AHNAK: variants seen among roughly 807,000 people sequenced by gnomAD.
The protein encoded by AHNAK is AHNAK nucleoprotein, also known as neuroblast differentiation-associated protein AHNAK.
In AHNAK, 23 loss-of-function variants were observed where a neutral mutation model predicts 37.8. The observed-to-expected ratio is 0.61, with a 90% CI of 0.44 to 0.86. The LOEUF (loss-of-function observed/expected upper bound fraction) is 0.86, where lower values mean the gene tolerates loss of function less well. Ranked by LOEUF, AHNAK falls within the 40% of genes least tolerant of loss-of-function variation. The probability of loss-of-function intolerance (pLI) is 0.00; values close to 1 mark genes in which losing one functional copy is unlikely to be tolerated. For synonymous variants in AHNAK, 2,481 were observed against 2,636.3 expected (o/e 0.94, Z 1.80); for missense variants, 7,411 against 7,319.4 (o/e 1.01, Z -0.46).
At chr11:62,511,337 C>T (rs764947673), downstream of AHNAK, among the ~76,000 whole-genome samples, 3 of 152,108 alleles carry the variant, frequency 2.0e-5, no homozygotes, top group Non-Finnish European at 4.4e-5. Context: ...ACTGCAGCCT[C>T]TGTCTCCCAG....
In AHNAK at chr11:62,532,581, G is replaced by A; in HGVS notation, c.1836C>T (p.Val612=). ...EVDVRGPKVD[V]SAPDVEAHGP... Reference sequence around the variant, plus strand: ...CATGCGCTTCGACATCTGGGGCACTGACATCCACTTTGGGGCCTCTGACAT... The same window carrying A: ...CATGCGCTTCGACATCTGGGGCACTAACATCCACTTTGGGGCCTCTGACAT... The change falls in exon 5 of 5, where the codon GTC becomes GTT. Residue 612 remains valine (V), a synonymous_variant. Coordinates refer to ENST00000378024, the MANE Select transcript of AHNAK (RefSeq NM_001620.3). 1 of 1,614,194 alleles carries A rather than the reference G, an allele frequency of 6.2e-7. No homozygotes were observed. The highest frequency in any genetic ancestry group is 8.5e-7 in the Non-Finnish European group (1 of 1,180,038).
Position 62,546,649 on chromosome 11 carries a change from G to A in AHNAK, c.-100+11C>T, listed in dbSNP as rs1006748367. ...ACCCCGATGGCGCCACGGTGCGCCT[G>A]GCGCCCCTACCTGAGGGCTCAGCCC... On this transcript the variant is annotated intron_variant, in intron 1 of 4. Transcript: ENST00000378024. 1 of 152,262 alleles carries A rather than the reference G, an allele frequency of 6.6e-6. No homozygotes were observed. The highest frequency in any genetic ancestry group is 1.9e-4 in the East Asian group (1 of 5,190). The allele number at this position is 152,262 out of a possible 1,614,324, so 9.4% of individuals were successfully genotyped here.
intron 5 of AHNAK, among the ~76,000 whole-genome samples, chr11:62,481,926 G>A (rs989127814): frequency 2.0e-5 from 3 of 151,932 alleles, no homozygotes; most frequent in Admixed American, 6.6e-5. Context: ...GACCTTTTAC[G>A]ATCCATCTCC....
At position 62,516,638 on chromosome 11, in the gene AHNAK, T is replaced by C; in HGVS notation, c.*106A>G. The C allele has an allele frequency of 6.7e-7, 1 of 1,503,418 alleles. No homozygotes were observed. The highest frequency in any genetic ancestry group is 8.8e-7 in the Non-Finnish European group (1 of 1,136,034). 93.1% of individuals were successfully genotyped at this position (1,503,418 alleles called of 1,614,324 possible). A position where few individuals can be genotyped will look rare whatever the true frequency, so the allele number is the denominator to read the frequency against. On this transcript the variant is annotated 3_prime_UTR_variant, in exon 5 of 5. Transcript: ENST00000378024. ...GGGCCAGGCAAGGTCTTTGCATGAT[T>C]GCTGAGGCAGTCGGTGTGTTTCCCT... is the stretch of plus-strand genomic sequence containing the variant.
In AHNAK at chr11:62,529,389, G is replaced by A. The variant is rs1010185709; in HGVS notation, c.5028C>T (p.Pro1676=). ...KVKGDMDVSV[P]KVEGEMKVPD... ...GCACTTTCATTTCACCTTCTACCTT[G>A]GGCACAGACACATCCATATCCCCTT... The change falls in exon 5 of 5, where the codon CCC becomes CCT. Residue 1676 remains proline (P), a synonymous_variant. Coordinates refer to ENST00000378024, the MANE Select transcript of AHNAK (RefSeq NM_001620.3). 9.9e-6 allele frequency: 16 copies of A among 1,612,930 alleles called. No individual in the cohort carries two copies. Among genetic ancestry groups the A allele is most frequent in the Non-Finnish European group, 1.4e-5 (16 of 1,179,702 alleles).
Position 62,527,316 on chromosome 11 carries a change from G to A in AHNAK, c.7101C>T (p.Gly2367=). The A allele has an allele frequency of 1.2e-6, 2 of 1,613,718 alleles. No individual in the cohort carries two copies. The highest frequency in any genetic ancestry group is 1.7e-6 in the Non-Finnish European group (2 of 1,179,896). The change falls in exon 5 of 5, where the codon GGC becomes GGT. Residue 2367 remains glycine (G), a synonymous_variant. Coordinates refer to ENST00000378024, the MANE Select transcript of AHNAK (RefSeq NM_001620.3). The part of the protein sequence containing the change: ...MPEVAVEGPN[G]KWKTPKFKMP... Reference sequence around the variant, plus strand: ...TCTTGAACTTAGGAGTTTTCCACTTGCCATTTGGGCCTTCCACAGCTACTT... The same window carrying A: ...TCTTGAACTTAGGAGTTTTCCACTTACCATTTGGGCCTTCCACAGCTACTT...
chr11:62,437,198 C>A (rs902829517), intron 5 of AHNAK, among the ~76,000 whole-genome samples: 1 of 152,182 alleles, frequency 6.6e-6, no homozygotes, highest in African/African-American at 2.4e-5. Flanking sequence ...AGCATATAAT[C>A]TTTTCATCAT....
At chr11:62,452,100 C>A (rs1938551959) in intron 5 of AHNAK, among the ~76,000 whole-genome samples, 1 of 152,168 alleles carries the variant, frequency 6.6e-6, no homozygotes, top group South Asian at 2.1e-4. Context: ...GCGTGAGCCA[C>A]CGCACCCAGC....
At chr11:62,475,291 G>A (rs866574407) in intron 5 of AHNAK, among the ~76,000 whole-genome samples, 13 of 144,272 alleles carry the variant, frequency 9.0e-5, no homozygotes, top group African/African-American at 3.1e-4. Flanking sequence ...GCAATAGAGC[G>A]AGACTTTGTC....
At chr11:62,442,625 C>A (rs537332619) in intron 5 of AHNAK, among the ~76,000 whole-genome samples, 1 of 152,022 alleles carries the variant, frequency 6.6e-6, no homozygotes, top group African/African-American at 2.4e-5. Flanking sequence ...AATCCCAGCA[C>A]TTTGAGAGGC....
intron 1 of AHNAK, among the ~76,000 whole-genome samples, chr11:62,537,768 C>G (rs1047117516): frequency 3.9e-5 from 6 of 151,972 alleles, no homozygotes; most frequent in Admixed American, 3.9e-4. Flanking sequence ...CTGCAACCTC[C>G]CCCTCCCAGG....
intron 1 of AHNAK, among the ~76,000 whole-genome samples, chr11:62,543,990 A>G (rs2428548): frequency 0.31 from 46,923 of 151,998 alleles, 7,668 homozygotes; most frequent in Non-Finnish European, 0.37. Context: ...GTCTCCAGGC[A>G]GTTCCCAAGT....
chr11:62,531,388 C>T lies in AHNAK; in HGVS notation c.3029G>A (p.Ser1010Asn), dbSNP rs764572575. ...AAATTCTGGCCCCTCTCCTTTGAGG[C>T]TGGGCATGCTAAATTTGGGCATTTT... is the stretch of plus-strand genomic sequence containing the variant. ...KIKMPKFSMP[S>N]LKGEGPEFDV... The change falls in exon 5 of 5, where the codon AGC becomes AAC. Residue 1010 changes from serine (S) to asparagine (N), a missense_variant. Transcript: ENST00000378024. The T allele has an allele frequency of 6.2e-7, 1 of 1,614,190 alleles. No individual in the cohort carries two copies. The highest frequency in any genetic ancestry group is 8.5e-7 in the Non-Finnish European group (1 of 1,180,038).
chr11:62,524,895 C>T lies in AHNAK; in HGVS notation c.9522G>A (p.Leu3174=), dbSNP rs771383790. ...KGEGPEVDVN[L]PKADLDVSGP... ...CTGAGACGTCAAGGTCAGCCTTGGG[C>T]AGGTTCACGTCCACTTCTGGACCTT... is the stretch of plus-strand genomic sequence containing the variant. The change falls in exon 5 of 5, where the codon CTG becomes CTA. Residue 3174 remains leucine, a synonymous_variant. Coordinates refer to ENST00000378024, the MANE Select transcript of AHNAK (RefSeq NM_001620.3). The T allele has an allele frequency of 5.6e-6, 9 of 1,613,904 alleles. No individual in the cohort carries two copies. In the Middle Eastern group the frequency reaches 5.0e-4, roughly 89 times the overall value.
At chr11:62,473,469 G>A (rs1379336297) in intron 5 of AHNAK, among the ~76,000 whole-genome samples, 5 of 151,692 alleles carry the variant, frequency 3.3e-5, no homozygotes, top group African/African-American at 7.3e-5. Context: ...GCCAAGGCGG[G>A]TGGACCACAA....
chr11:62,443,221 C>A (rs1420931852), intron 5 of AHNAK, among the ~76,000 whole-genome samples: 4 of 150,912 alleles, frequency 2.7e-5, no homozygotes, highest in Non-Finnish European at 4.4e-5. Context: ...CATGATCCAC[C>A]TGCCTCGGCC....
At position 62,524,220 on chromosome 11, in the gene AHNAK, T is replaced by C. The variant is rs1940383738; in HGVS notation, c.10197A>G (p.Lys3399=). ...GGAAAGGCATTTTAAACTTGGATCC[T>C]TTCACTTTTCCTTGGACCTCGACAT... The part of the protein sequence containing the change: ...APDVEVQGKV[K]GSKFKMPFLS... Residue 3399 remains lysine, a synonymous_variant, in exon 5 of 5, where the codon AAA becomes AAG. Coordinates refer to ENST00000378024, the MANE Select transcript of AHNAK (RefSeq NM_001620.3). 6.2e-7 allele frequency: 1 copy of C among 1,612,830 alleles called. No individual in the cohort carries two copies. The highest frequency in any genetic ancestry group is 1.3e-5 in the African/African-American group (1 of 74,766).
intron 4 of AHNAK, among the ~76,000 whole-genome samples, chr11:62,508,184 C>G (rs1425269877): frequency 6.6e-6 from 1 of 152,166 alleles, no homozygotes; most frequent in African/African-American, 2.4e-5. Context: ...AAGAGGCATC[C>G]TCTATTTCCT....
chr11:62,455,574 G>A (rs775008531), intron 5 of AHNAK, among the ~76,000 whole-genome samples: 19 of 152,034 alleles, frequency 1.2e-4, no homozygotes, highest in Admixed American at 3.3e-4. Context: ...GAGTGGTGGC[G>A]CATGCCTATA....
Sources: allele counts gnomAD v4.1 joint callset (sites outside exome capture counted in the v4.1 genomes callset), GRCh38; gene constraint gnomAD v4.1.1; transcripts MANE v1.5; gene names NCBI Gene and HGNC (gene_info 2026-07-23, HGNC 2026-07-21).